TOP2B: variants seen among roughly 807,000 people sequenced by gnomAD.
TOP2B encodes the protein DNA topoisomerase 2-beta.
A neutral mutation model predicts 193.5 loss-of-function variants in TOP2B; 51 were observed. The ratio of observed to expected loss-of-function variants is 0.26; its 90% CI spans 0.21 to 0.33. TOP2B has a LOEUF of 0.33. Among genes scored for constraint, TOP2B ranks in the 10% least tolerant of loss-of-function variants. The probability of loss-of-function intolerance (pLI) is 1.00; values close to 1 mark genes in which losing one functional copy is unlikely to be tolerated. For synonymous variants in TOP2B, 634 were observed against 635.7 expected (o/e 1.00, Z 0.04); for missense variants, 1,378 against 1,909.3 (o/e 0.72, Z 5.19).
chr3:25,617,377 G>A (rs750313126), intron 25 of TOP2B, among the ~76,000 whole-genome samples: 3 of 152,008 alleles, frequency 2.0e-5, no homozygotes, highest in African/African-American at 4.8e-5. Context: ...TTGTCCTACC[G>A]AATTTTCTTC....
In TOP2B at chr3:25,645,372, C is replaced by T; in HGVS notation, c.168G>A (p.Gln56=). The T allele has an allele frequency of 1.2e-6, 2 of 1,613,660 alleles. No individual in the cohort carries two copies. Among genetic ancestry groups the T allele is most frequent in the Non-Finnish European group, 8.5e-7 (1 of 1,179,744 alleles). Residue 56 remains glutamine, a synonymous_variant, in exon 2 of 36, where the codon CAG becomes CAA. Transcript: ENST00000264331. ...GAATGTGTTCAAGTTGTGTCTTCTT[C>T]TGATACACTCTCTCAACAGACAACT... ...SKKLSVERVY[Q]KKTQLEHILL...
At chr3:25,607,439 T>A in intron 30 of TOP2B, 64 bp from the exon 31 acceptor site, 2 of 1,486,206 alleles carry the variant, frequency 1.3e-6, no homozygotes, top group East Asian at 2.5e-5. Context: ...TGAATTATTA[T>A]TACTGATAAA....
chr3:25,611,369 A>G (rs1208909667), intron 28 of TOP2B, among the ~76,000 whole-genome samples: 1 of 152,236 alleles, frequency 6.6e-6, no homozygotes, highest in African/African-American at 2.4e-5. Flanking sequence ...TTATCAGAAC[A>G]GAAGAGAAAG....
chr3:25,644,962 A>T (rs1004936789), intron 2 of TOP2B, among the ~76,000 whole-genome samples: 5 of 144,650 alleles, frequency 3.5e-5, no homozygotes, highest in South Asian at 2.2e-4. Flanking sequence ...CACCCAGAAA[A>T]TTTTTTTTTT....
intron 12 of TOP2B, 65 bp downstream of exon 12, chr3:25,630,247 T>C: frequency 2.6e-6 from 4 of 1,525,722 alleles, no homozygotes; most frequent in Non-Finnish European, 3.5e-6. Flanking sequence ...TTTAGTAAAG[T>C]ATTAGAAATG....
At chr3:25,645,162 G>T in intron 2 of TOP2B, 138 bp downstream of exon 2, 1 of 816,934 alleles carries the variant, frequency 1.2e-6, no homozygotes, top group Non-Finnish European at 1.9e-6. Flanking sequence ...TCTACTTCTA[G>T]ATCTTTCACC....
chr3:25,630,411 T>C lies in TOP2B; in HGVS notation c.1464A>G (p.Ser488=), dbSNP rs1159747443. 6.4e-7 allele frequency: 1 copy of C among 1,552,660 alleles called. No individual in the cohort carries two copies. Among genetic ancestry groups the C allele is most frequent in the African/African-American group, 1.4e-5 (1 of 73,188 alleles). The change falls in exon 12 of 36, where the codon TCA becomes TCG. Residue 488 remains serine (S), a synonymous_variant. Transcript: ENST00000264331. ...LILTEGDSAK[S]LAVSGLGVIG... ...TCACACCTAATCCAGACACAGCCAG[T>C]GATTTGGCAGAGTCTCCCTCTGTTA...
chr3:25,610,219 A>G (rs1181887858), intron 28 of TOP2B, among the ~76,000 whole-genome samples: 1 of 152,150 alleles, frequency 6.6e-6, no homozygotes, highest in East Asian at 1.9e-4. Context: ...TTGAAGGAAA[A>G]TAAGTAACAT....
chr3:25,626,216 T>C (rs996727614), intron 18 of TOP2B, among the ~76,000 whole-genome samples: 7 of 152,174 alleles, frequency 4.6e-5, no homozygotes, highest in Non-Finnish European at 1.5e-5. Flanking sequence ...CTTTTTAAAA[T>C]TTAATCTCTG....
intron 4 of TOP2B, among the ~76,000 whole-genome samples, chr3:25,641,662 GATT>G (rs1575581646): frequency 6.6e-6 from 1 of 151,956 alleles, no homozygotes; most frequent in East Asian, 1.9e-4. Context: ...ACTGAAATTA[GATT>G]ATTACTAGTA....
chr3:25,612,514 CCTT>C lies in TOP2B; in HGVS notation c.3784_3786del (p.Lys1262del), dbSNP rs868495308. The stretch of plus-strand genomic sequence containing the variant: ...TATCAATGACAAGAGGTATGTCATA[CCTT>C]CTTCTTCTTCAGCAACTTTTTGCTG... On this transcript the variant is annotated inframe_deletion and splice_region_variant, in exon 28 of 36. Transcript: ENST00000264331. 8 of 1,602,648 alleles carry C rather than the reference CCTT, an allele frequency of 5.0e-6. No homozygotes were observed. The highest frequency in any genetic ancestry group is 1.7e-4 in the Middle Eastern group (1 of 6,060).
intron 1 of TOP2B, among the ~76,000 whole-genome samples, chr3:25,652,539 A>G (rs897394844): frequency 6.6e-6 from 1 of 152,234 alleles, no homozygotes; most frequent in Non-Finnish European, 1.5e-5. Flanking sequence ...AAAATCCACA[A>G]ATAAGTGGAA....
chr3:25,634,098 A>G (rs1181676742), intron 7 of TOP2B, 84 bp from the exon 8 acceptor site: 1 of 1,018,432 alleles, frequency 9.8e-7, no homozygotes, highest in African/African-American at 1.6e-5. Context: ...GTATACTTTC[A>G]TTTCCTCTCA....
At chr3:25,640,261 C>A (rs1300319176) in intron 4 of TOP2B, among the ~76,000 whole-genome samples, 1 of 152,024 alleles carries the variant, frequency 6.6e-6, no homozygotes, top group Admixed American at 6.6e-5. Context: ...TACAAATCAG[C>A]AACTTCTCAC....
chr3:25,638,416 C>T lies in TOP2B; in HGVS notation c.396-106G>A, dbSNP rs1163107318. 4.0e-6 allele frequency: 5 copies of T among 1,264,824 alleles called. No individual in the cohort carries two copies. The African/African-American group carries it at 5.0e-5, about 13-fold the overall frequency. The allele number at this position is 1,264,824 out of a possible 1,614,324, so 78.4% of individuals were successfully genotyped here. A position where few individuals can be genotyped will look rare whatever the true frequency, so the allele number is the denominator to read the frequency against. ...TCATTAAAAAGTAATCTAGAATAAACCTTAATGGTTATAAGATACTAGTCA... is the reference window on the plus strand; with the variant it reads ...TCATTAAAAAGTAATCTAGAATAAATCTTAATGGTTATAAGATACTAGTCA... On this transcript the variant is annotated intron_variant, in intron 4 of 35. Coordinates refer to ENST00000264331, the MANE Select transcript of TOP2B (RefSeq NM_001330700.2).
At chr3:25,609,077 T>C in intron 30 of TOP2B, 106 bp downstream of exon 30, 1 of 1,010,310 alleles carries the variant, frequency 9.9e-7, no homozygotes, top group Non-Finnish European at 1.3e-6. Flanking sequence ...TAACTTTAAC[T>C]TCTGAAATAC....
intron 4 of TOP2B, among the ~76,000 whole-genome samples, chr3:25,641,727 AATC>A (rs1397548494): frequency 6.6e-6 from 1 of 152,124 alleles, no homozygotes; most frequent in Non-Finnish European, 1.5e-5. Flanking sequence ...AAAATCTTAA[AATC>A]ATGCTAAATT....
intron 1 of TOP2B, among the ~76,000 whole-genome samples, chr3:25,662,657 G>T (rs532421877): frequency 1.5e-4 from 23 of 152,250 alleles, no homozygotes; most frequent in African/African-American, 5.3e-4. Flanking sequence ...GAGCTTGAAA[G>T]AAATAAATTG....
At chr3:25,623,912 T>C (rs1335228235) in intron 20 of TOP2B, among the ~76,000 whole-genome samples, 166 bp from the exon 21 acceptor site, 1 of 152,240 alleles carries the variant, frequency 6.6e-6, no homozygotes, top group Non-Finnish European at 1.5e-5. Flanking sequence ...CTAACTGTAT[T>C]ATTCAAATGC....
Sources: allele counts gnomAD v4.1 joint callset (sites outside exome capture counted in the v4.1 genomes callset), GRCh38; gene constraint gnomAD v4.1.1; transcripts MANE v1.5; gene names NCBI Gene and HGNC (gene_info 2026-07-23, HGNC 2026-07-21).